Variants in DAB1 observed in about 807,000 individuals in gnomAD.
DAB1 encodes DAB adaptor protein 1.
A neutral mutation model predicts 64.6 loss-of-function variants in DAB1; 15 were observed. The ratio of observed to expected loss-of-function variants is 0.23; its 90% confidence interval spans 0.16 to 0.36. DAB1 has a LOEUF of 0.36. DAB1 is among the 10% of genes least tolerant of loss of function. The probability of loss-of-function intolerance (pLI) is 1.00; values close to 1 mark genes in which losing one functional copy is unlikely to be tolerated. For missense variants in DAB1, 596 were observed against 706.7 expected (o/e 0.84, Z 1.78); for synonymous variants, 235 against 251.9 (o/e 0.93, Z 0.64).
At chr1:57,116,841 A>G (rs1242567495) in intron 4 of DAB1, among the ~76,000 whole-genome samples, 1 of 152,228 alleles carries the variant, frequency 6.6e-6, no homozygotes, top group Non-Finnish European at 1.5e-5. Context: ...ACAGCTCTCT[A>G]TAACTGCTAT....
chr1:57,710,779 T>C (rs1647019184), intron 6 of DAB1, among the ~76,000 whole-genome samples: 1 of 152,110 alleles, frequency 6.6e-6, no homozygotes, highest in Non-Finnish European at 1.5e-5. Flanking sequence ...AAGAGTTTAA[T>C]AGACAAGAGG....
intron 5 of DAB1, among the ~76,000 whole-genome samples, chr1:58,123,027 TAAATA>T (rs1652843050): frequency 6.6e-6 from 1 of 152,196 alleles, no homozygotes; most frequent in Non-Finnish European, 1.5e-5. Flanking sequence ...TGCTTCCCTA[TAAATA>T]AAATAGGAAT....
chr1:57,724,331 GAAGA>G (rs1647183869), intron 6 of DAB1, among the ~76,000 whole-genome samples: 1 of 118,602 alleles, frequency 8.4e-6, no homozygotes, highest in African/African-American at 3.2e-5. Context: ...AGGAAGGAAG[GAAGA>G]GAGGGGAGGG....
Position 58,021,790 on chromosome 1 carries a change from C to A in DAB1, n.387+128721G>T, listed in dbSNP as rs181933846. ...AATTAGGTAAAATGAAAGTCTGAAG[C>A]AGTGGGTCTGAAAGGGCAACCGGGA... On this transcript the variant is annotated intron_variant and non_coding_transcript_variant, in intron 5 of 20. Transcript: ENST00000485760. Among the ~76,000 whole-genome samples the A allele has an allele frequency of 2.6e-5, 4 of 152,262 alleles. No individual in the cohort carries two copies. In the East Asian group the frequency reaches 7.7e-4, roughly 29 times the overall value.
chr1:58,288,677 A>G (rs1043627306), intron 4 of DAB1, among the ~76,000 whole-genome samples: 8 of 152,182 alleles, frequency 5.3e-5, no homozygotes, highest in Non-Finnish European at 1.0e-4. Context: ...AAATACTGCT[A>G]TTATTTTAAG....
intron 14 of DAB1, 149 bp from the exon 15 acceptor site, chr1:56,998,277 G>T (rs911946003): frequency 6.6e-6 from 1 of 152,574 alleles, no homozygotes; most frequent in Non-Finnish European, 1.5e-5. Context: ...TTTGATCAGG[G>T]TGCATAACAT....
intron 5 of DAB1, among the ~76,000 whole-genome samples, chr1:58,052,912 T>G (rs975836343): frequency 6.6e-6 from 1 of 152,208 alleles, no homozygotes; most frequent in Non-Finnish European, 1.5e-5. Context: ...AGTGCCAACA[T>G]CTGCTTTTGG....
At chr1:58,523,727 A>C (rs564379941) in intron 2 of DAB1, among the ~76,000 whole-genome samples, 8 of 152,062 alleles carry the variant, frequency 5.3e-5, no homozygotes, top group Admixed American at 4.6e-4. Flanking sequence ...GTGAAACCCC[A>C]TCTCTACTAA....
intron 3 of DAB1, among the ~76,000 whole-genome samples, chr1:58,360,645 G>T (rs1053019079): frequency 6.6e-6 from 1 of 152,066 alleles, no homozygotes; most frequent in African/African-American, 2.4e-5. Flanking sequence ...GTCACTCAGA[G>T]ACACACAGCA....
intron 6 of DAB1, among the ~76,000 whole-genome samples, chr1:57,663,810 T>C (rs1042963423): frequency 1.3e-5 from 2 of 152,196 alleles, no homozygotes; most frequent in Non-Finnish European, 2.9e-5. Context: ...AATTTTAAAA[T>C]GGCCTAATTA....
At chr1:58,238,422 G>A (rs1337517126) in intron 4 of DAB1, among the ~76,000 whole-genome samples, 2 of 152,190 alleles carry the variant, frequency 1.3e-5, no homozygotes, top group Non-Finnish European at 2.9e-5. Context: ...ACATGGGAGA[G>A]CAGGGCATAT....
chr1:57,832,870 A>G (rs1166621429), intron 1 of DAB1, among the ~76,000 whole-genome samples: 1 of 152,150 alleles, frequency 6.6e-6, no homozygotes, highest in Non-Finnish European at 1.5e-5. Flanking sequence ...TCCACCCAAA[A>G]CTGGCCTTAG....
chr1:58,056,819 T>C (rs1363213584), intron 5 of DAB1, among the ~76,000 whole-genome samples: 2 of 152,058 alleles, frequency 1.3e-5, no homozygotes, highest in Non-Finnish European at 2.9e-5. Flanking sequence ...TTAGGATGGC[T>C]TCCTTTCTCA....
chr1:57,748,533 A>G (rs1373739405), intron 6 of DAB1, among the ~76,000 whole-genome samples: 1 of 128,766 alleles, frequency 7.8e-6, no homozygotes, highest in African/African-American at 2.9e-5. Flanking sequence ...ATTTAATTGG[A>G]TATCACTAGT....
intron 6 of DAB1, among the ~76,000 whole-genome samples, chr1:57,705,830 A>T (rs996644887): frequency 1.3e-5 from 2 of 150,856 alleles, no homozygotes; most frequent in Non-Finnish European, 2.9e-5. Context: ...AACACATAGT[A>T]CTTAATACGT....
intron 5 of DAB1, among the ~76,000 whole-genome samples, chr1:58,032,546 T>C (rs1361800516): frequency 1.3e-5 from 2 of 152,200 alleles, no homozygotes; most frequent in Non-Finnish European, 2.9e-5. Context: ...GTGTTTGGTA[T>C]TTTATAAATG....
intron 3 of DAB1, among the ~76,000 whole-genome samples, chr1:58,465,053 C>T (rs184438632): frequency 6.6e-6 from 1 of 152,362 alleles, no homozygotes; most frequent in Admixed American, 6.5e-5. Context: ...GGTGCTTCTG[C>T]ACACATTCTC....
intron 6 of DAB1, among the ~76,000 whole-genome samples, chr1:57,784,607 A>G (rs1650255735): frequency 6.6e-6 from 1 of 152,160 alleles, no homozygotes; most frequent in Non-Finnish European, 1.5e-5. Context: ...CCTTAATCCA[A>G]AGCATAATCC....
At position 58,489,261 on chromosome 1, in the gene DAB1, G is replaced by A. The variant is rs541909010; in HGVS notation, n.257+16799C>T. Among the ~76,000 whole-genome samples, 35 of 152,278 alleles carry A rather than the reference G, an allele frequency of 2.3e-4. 1 individual carries two copies. The South Asian group carries it at 6.0e-3, about 26-fold the overall frequency. On this transcript the variant is annotated intron_variant and non_coding_transcript_variant, in intron 3 of 20. Transcript: ENST00000485760. The stretch of plus-strand genomic sequence containing the variant: ...TCCCACCCTAATACTGCAATTTTCC[G>A]ACGGTCTTAGCAAACGGCACACCAG...
Sources: allele counts gnomAD v4.1 joint callset (sites outside exome capture counted in the v4.1 genomes callset), GRCh38; gene constraint gnomAD v4.1.1; transcripts MANE v1.5; gene names NCBI Gene and HGNC (gene_info 2026-07-23, HGNC 2026-07-21).